The following CDKL3 variants were observed in gnomAD, a reference collection of about 807,000 sequenced individuals.
CDKL3 encodes the protein cyclin dependent kinase like 3, also known as cyclin-dependent kinase-like 3.
Under a neutral mutation model 69.3 loss-of-function variants are expected in CDKL3, and 65 were observed. That is an observed-to-expected ratio of 0.94 (90% confidence interval 0.77 to 1.15). The LOEUF (loss-of-function observed/expected upper bound fraction) is 1.15. CDKL3 is among the 50% of genes most tolerant of loss of function. CDKL3 has a pLI of 0.00. For missense variants in CDKL3, 652 were observed against 689.2 expected, an observed-to-expected ratio of 0.95 and a Z score of 0.61; for synonymous variants, 202 against 221.6, an observed-to-expected ratio of 0.91 and a Z score of 0.79.
At chr5:134,364,917 G>C (rs1327993398) in intron 2 of CDKL3, among the ~76,000 whole-genome samples, 1 of 149,396 alleles carries the variant, frequency 6.7e-6, no homozygotes, top group African/African-American at 2.5e-5. Context: ...AGCGATTGTC[G>C]TGCCTCAGCC....
intron 12 of CDKL3, among the ~76,000 whole-genome samples, chr5:134,301,841 C>T (rs998960412): frequency 1.3e-5 from 2 of 152,016 alleles, no homozygotes; most frequent in African/African-American, 2.4e-5. Context: ...GAGCCGAGAT[C>T]GCGCCACTGC....
intron 12 of CDKL3, among the ~76,000 whole-genome samples, chr5:134,300,981 G>A (rs755852263): frequency 4.0e-5 from 6 of 151,712 alleles, no homozygotes; most frequent in Non-Finnish European, 7.4e-5. Context: ...ATAATGAACC[G>A]AAAGATGACT....
rs1431777699 is a variant in CDKL3 at position 134,308,741 on chromosome 5, C to G, written c.882-14G>C. 2 of 1,570,900 alleles carry G rather than the reference C, an allele frequency of 1.3e-6. No individual in the cohort carries two copies. The highest frequency in any genetic ancestry group is 1.7e-6 in the Non-Finnish European group (2 of 1,167,280). The stretch of plus-strand genomic sequence containing the variant: ...TCTGGCATGAATCTGACAAAACAAG[C>G]AATATCAACGAGTAATCTTTTTATA... On this transcript the variant is annotated splice_polypyrimidine_tract_variant and intron_variant, in intron 7 of 12. Transcript: ENST00000265334.
intron 12 of CDKL3, among the ~76,000 whole-genome samples, chr5:134,298,948 A>G (rs1404683973): frequency 6.6e-6 from 1 of 151,962 alleles, no homozygotes. Flanking sequence ...ATCTCGGCTC[A>G]CTACAACCTC....
At chr5:134,296,833 A>C (rs1481155882), downstream of CDKL3, among the ~76,000 whole-genome samples, 1 of 151,548 alleles carries the variant, frequency 6.6e-6, no homozygotes, top group Non-Finnish European at 1.5e-5. Flanking sequence ...ACACACACGG[A>C]TCTCTATTCA....
intron 12 of CDKL3, among the ~76,000 whole-genome samples, chr5:134,301,945 C>T (rs1026444448): frequency 1.3e-5 from 2 of 152,132 alleles, no homozygotes; most frequent in Non-Finnish European, 2.9e-5. Context: ...AAATCACATA[C>T]AGAGATGACC....
chr5:134,364,733 G>C (rs948717717), intron 2 of CDKL3, among the ~76,000 whole-genome samples: 1 of 151,662 alleles, frequency 6.6e-6, no homozygotes, highest in Non-Finnish European at 1.5e-5. Context: ...GGCTGGTCTC[G>C]AACTCCTGAC....
chr5:134,371,468 C>T (rs542202393), upstream of CDKL3: 320 of 1,196,844 alleles, frequency 2.7e-4, no homozygotes, highest in Non-Finnish European at 3.6e-4. Flanking sequence ...GGTTGTTTGT[C>T]AGTCTCGGCG....
rs1442312940 is a variant in CDKL3 at position 134,360,050 on chromosome 5, A to G, written c.207T>C (p.Phe69=). ...HENLVNLIEV[F]RQKKKIHLVF... The stretch of plus-strand genomic sequence containing the variant: ...CCAAATGAATTTTCTTTTTCTGTCT[A>G]AAAACTTCAATCAGATTGACCAGGT... Residue 69 remains phenylalanine (F), a synonymous_variant, in exon 3 of 13, where the codon TTT becomes TTC. Transcript: ENST00000265334. The G allele has an allele frequency of 1.7e-5, 26 of 1,550,382 alleles. No individual in the cohort carries two copies. Among genetic ancestry groups the G allele is most frequent in the Non-Finnish European group, 2.3e-5 (26 of 1,147,266 alleles).
At chr5:134,371,504 CGA>C, upstream of CDKL3, 1 of 1,485,690 alleles carries the variant, frequency 6.7e-7, no homozygotes, top group Non-Finnish European at 9.0e-7. Context: ...GCGGCGGCGG[CGA>C]TCCACAGTGA....
At chr5:134,314,250 A>C (rs1045819906) in intron 6 of CDKL3, among the ~76,000 whole-genome samples, 5 of 152,240 alleles carry the variant, frequency 3.3e-5, no homozygotes, top group African/African-American at 1.2e-4. Context: ...AAAACTTATA[A>C]GAAAAATGCT....
At chr5:134,340,282 T>A (rs187136552) in intron 4 of CDKL3, among the ~76,000 whole-genome samples, 4 of 152,118 alleles carry the variant, frequency 2.6e-5, no homozygotes, top group Admixed American at 2.6e-4. Context: ...AAGAAAGATA[T>A]CAAATCAGTA....
At chr5:134,360,530 T>C (rs1755764444) in intron 2 of CDKL3, among the ~76,000 whole-genome samples, 1 of 152,234 alleles carries the variant, frequency 6.6e-6, no homozygotes. Context: ...TCAACTGAAA[T>C]TTCTCAACCA....
intron 8 of CDKL3, among the ~76,000 whole-genome samples, chr5:134,287,960 T>A (rs929111315): frequency 9.4e-5 from 14 of 149,576 alleles, no homozygotes; most frequent in Admixed American, 3.4e-4. Context: ...AATGGTGCAA[T>A]CTCAGCTCAC....
chr5:134,310,952 T>C (rs1164350938), intron 7 of CDKL3, among the ~76,000 whole-genome samples: 1 of 152,226 alleles, frequency 6.6e-6, no homozygotes, highest in East Asian at 1.9e-4. Flanking sequence ...CCATCACATT[T>C]TTAATGGATG....
intron 8 of CDKL3, among the ~76,000 whole-genome samples, chr5:134,289,185 G>C (rs1364861418): frequency 7.8e-6 from 1 of 128,700 alleles, no homozygotes; most frequent in Non-Finnish European, 1.6e-5. Flanking sequence ...AAAAAAAAAA[G>C]GAAAGAAAAA....
chr5:134,371,473 T>TCGGCGGAGGCGGCGG, upstream of CDKL3: 1 of 1,143,788 alleles, frequency 8.7e-7, no homozygotes, highest in Non-Finnish European at 1.2e-6. Context: ...TTTGTCAGTC[T>TCGGCGGAGGCGGCGG]CGGCGGCGGC....
intron 4 of CDKL3, among the ~76,000 whole-genome samples, chr5:134,341,672 A>G (rs1489818876): frequency 3.3e-5 from 5 of 152,274 alleles, no homozygotes; most frequent in Non-Finnish European, 7.3e-5. Context: ...GAATGCCAGC[A>G]GTTGTGCCAA....
chr5:134,346,527 G>A (rs373449069), intron 4 of CDKL3, among the ~76,000 whole-genome samples: 9 of 152,152 alleles, frequency 5.9e-5, no homozygotes, highest in South Asian at 2.1e-4. Context: ...ACGGAGTTTC[G>A]CTCTTGTTGC....
Sources: gnomAD v4.1 joint callset for allele counts (sites outside exome capture counted in the v4.1 genomes callset) on GRCh38, gnomAD v4.1.1 for gene constraint, MANE v1.5 for transcripts, NCBI Gene and HGNC (gene_info 2026-07-23, HGNC 2026-07-21) for gene names.